The following VTI1A variants were observed in gnomAD, a reference collection of about 807,000 sequenced individuals.
The protein encoded by VTI1A is vesicle transport through interaction with t-SNAREs 1A.
Under a neutral mutation model 34.9 loss-of-function variants are expected in VTI1A, and 22 were observed. The observed-to-expected ratio is 0.63, with a 90% confidence interval of 0.45 to 0.90. The LOEUF is 0.90. Ranked by LOEUF, VTI1A falls within the 40% of genes least tolerant of loss-of-function variation. VTI1A has a pLI of 0.00. For missense variants in VTI1A, 268 were observed against 275.6 expected, an observed-to-expected ratio of 0.97 and a Z score of 0.20; for synonymous variants, 87 against 97.3, an observed-to-expected ratio of 0.89 and a Z score of 0.62.
chr10:112,712,986 G>A (rs956261632), intron 7 of VTI1A, among the ~76,000 whole-genome samples: 7 of 152,166 alleles, frequency 4.6e-5, no homozygotes, highest in East Asian at 1.9e-4. Context: ...CACTGACATC[G>A]TGTCTCTCCA....
At chr10:112,672,970 A>G (rs1325178521) in intron 7 of VTI1A, among the ~76,000 whole-genome samples, 1 of 152,240 alleles carries the variant, frequency 6.6e-6, no homozygotes, top group East Asian at 1.9e-4. Flanking sequence ...ATATGTTACT[A>G]CTTTACCTTG....
chr10:112,837,344 G>T, the VTI1A span, among the ~76,000 whole-genome samples: 1 of 152,142 alleles, frequency 6.6e-6, no homozygotes, highest in Non-Finnish European at 1.5e-5. Flanking sequence ...AATCCTGGGA[G>T]GGGGAGGGGA....
chr10:112,478,189 C>T lies in VTI1A; in HGVS notation c.264+13532C>T, dbSNP rs573926700. ...ATACTTTTCTAATATTGTGTGCAAGCGAAATTTGACCATACTACCAAAAGA... is the reference window on the plus strand; with the variant it reads ...ATACTTTTCTAATATTGTGTGCAAGTGAAATTTGACCATACTACCAAAAGA... On this transcript the variant is annotated intron_variant, in intron 3 of 7. Transcript: ENST00000393077. Among the ~76,000 whole-genome samples the T allele has an allele frequency of 4.2e-4, 64 of 152,152 alleles. 1 individual carries two copies. Among genetic ancestry groups the T allele is most frequent in the Admixed American group, 2.8e-3 (43 of 15,288 alleles).
intron 7 of VTI1A, 127 bp from the exon 8 acceptor site, chr10:112,815,163 A>C (rs1018606387): frequency 3.7e-6 from 2 of 545,656 alleles, no homozygotes; most frequent in African/African-American, 4.0e-5. Flanking sequence ...ACACACACAC[A>C]CACACACACG....
chr10:112,786,195 TC>T (rs1199903484), intron 7 of VTI1A, among the ~76,000 whole-genome samples: 2 of 152,252 alleles, frequency 1.3e-5, no homozygotes, highest in African/African-American at 4.8e-5. Context: ...AGTTTTGCAT[TC>T]TTTTTTGATG....
rs1853497217 is a variant in VTI1A, at chr10:112,815,639, T to G, written c.*256T>G. 1 of 495,910 alleles carries G rather than the reference T, an allele frequency of 2.0e-6. No individual in the cohort carries two copies. Among genetic ancestry groups the G allele is most frequent in the East Asian group, 3.5e-5 (1 of 28,966 alleles). The allele number at this position is 495,910 out of a possible 1,614,324, so 30.7% of individuals were successfully genotyped here. A position where few individuals can be genotyped will look rare whatever the true frequency, so the allele number is the denominator to read the frequency against. ...GAAGGTGAATGTTTATTTACCTTTT[T>G]GCTAATGTCATCAACTAGCCAAAAT... On this transcript the variant is annotated 3_prime_UTR_variant, in exon 8 of 8. Transcript: ENST00000393077.
chr10:112,830,401 TCTC>T, the VTI1A span, among the ~76,000 whole-genome samples: 6 of 150,930 alleles, frequency 4.0e-5, no homozygotes, highest in South Asian at 2.1e-4. Context: ...CCTGGAATGT[TCTC>T]CTCCTCTTCC....
intron 7 of VTI1A, among the ~76,000 whole-genome samples, chr10:112,806,637 ATGCAGCAGTGCAATCG>A (rs1197922364): frequency 6.6e-6 from 1 of 150,932 alleles, no homozygotes; most frequent in Non-Finnish European, 1.5e-5. Context: ...CCAGGCTGGA[ATGCAGCAGTGCAATCG>A]TGGCTCATTG....
chr10:112,585,216 A>G (rs1035975266), intron 5 of VTI1A, among the ~76,000 whole-genome samples: 1 of 152,216 alleles, frequency 6.6e-6, no homozygotes, highest in East Asian at 1.9e-4. Flanking sequence ...AGACAGTACG[A>G]GACATGAATG....
chr10:112,740,877 TA>T (rs1162723531), intron 7 of VTI1A, among the ~76,000 whole-genome samples: 1 of 152,184 alleles, frequency 6.6e-6, no homozygotes, highest in Non-Finnish European at 1.5e-5. Context: ...TATACATGAA[TA>T]TTTATAACAG....
intron 7 of VTI1A, among the ~76,000 whole-genome samples, chr10:112,714,961 A>G (rs565492386): frequency 1.3e-5 from 2 of 152,360 alleles, no homozygotes; most frequent in African/African-American, 4.8e-5. Context: ...GTTATAAGTT[A>G]TATGGATAAA....
At chr10:112,733,812 G>A (rs1850359067) in intron 7 of VTI1A, among the ~76,000 whole-genome samples, 1 of 148,124 alleles carries the variant, frequency 6.8e-6, no homozygotes, top group South Asian at 2.1e-4. Context: ...CTGGAGTGCA[G>A]TGGTGTGATC....
At chr10:112,666,991 C>T (rs1847664425) in intron 5 of VTI1A, among the ~76,000 whole-genome samples, 1 of 151,958 alleles carries the variant, frequency 6.6e-6, no homozygotes, top group South Asian at 2.1e-4. Context: ...AGGGCCAGCA[C>T]TGGGATTTTG....
intron 7 of VTI1A, among the ~76,000 whole-genome samples, chr10:112,778,009 G>A (rs1020702044): frequency 6.6e-6 from 1 of 152,128 alleles, no homozygotes; most frequent in Non-Finnish European, 1.5e-5. Context: ...GGCTGAGGCA[G>A]GAGAATCGCT....
chr10:112,811,273 A>C (rs896808092), intron 7 of VTI1A, among the ~76,000 whole-genome samples: 60 of 152,280 alleles, frequency 3.9e-4, no homozygotes, highest in African/African-American at 1.3e-3. Context: ...TCCCCAAATC[A>C]AAACCGCAGG....
chr10:112,770,567 T>C (rs1851779187), intron 7 of VTI1A, among the ~76,000 whole-genome samples: 1 of 151,370 alleles, frequency 6.6e-6, no homozygotes, highest in African/African-American at 2.4e-5. Flanking sequence ...GGCTAATTTT[T>C]TTTTTTTTTT....
chr10:112,597,375 C>A (rs1369032616), intron 5 of VTI1A, among the ~76,000 whole-genome samples: 1 of 151,834 alleles, frequency 6.6e-6, no homozygotes, highest in Non-Finnish European at 1.5e-5. Flanking sequence ...GCGTCACCAC[C>A]CCCTGGCTAA....
chr10:112,706,956 T>C (rs1020035121), intron 7 of VTI1A, among the ~76,000 whole-genome samples: 6 of 152,218 alleles, frequency 3.9e-5, no homozygotes, highest in Admixed American at 6.5e-5. Context: ...TATTTAATTT[T>C]TGTTTTTTAA....
chr10:112,758,657 C>G (rs147691551), intron 7 of VTI1A, among the ~76,000 whole-genome samples: 14 of 152,344 alleles, frequency 9.2e-5, no homozygotes, highest in African/African-American at 3.1e-4. Context: ...CCATTCACCA[C>G]TTTGTGGCCT....
Sources: allele counts gnomAD v4.1 joint callset (sites outside exome capture counted in the v4.1 genomes callset), GRCh38; gene constraint gnomAD v4.1.1; transcripts MANE v1.5; gene names NCBI Gene and HGNC (gene_info 2026-07-23, HGNC 2026-07-21).